SLC46A2: variants seen among roughly 807,000 people sequenced by gnomAD.
The protein encoded by SLC46A2 is thymic stromal co-transporter.
In SLC46A2, 25 loss-of-function variants were observed where a neutral mutation model predicts 33.1. The ratio of observed to expected loss-of-function variants is 0.76; its 90% CI spans 0.55 to 1.06. SLC46A2 has a LOEUF of 1.06. Among genes scored for constraint, SLC46A2 ranks in the 50% least tolerant of loss-of-function variants. SLC46A2 has a pLI of 0.00. For synonymous variants in SLC46A2, 254 were observed against 275.9 expected, an observed-to-expected ratio of 0.92 and a Z score of 0.79; for missense variants, 622 against 621.7, an observed-to-expected ratio of 1.00 and a Z score of 0.00.
intron 3 of SLC46A2, 26 bp from the exon 4 acceptor site, chr9:112,879,845 A>C: frequency 4.4e-6 from 7 of 1,603,040 alleles, no homozygotes; most frequent in Non-Finnish European, 6.0e-6. Flanking sequence ...ATAGAGAGTT[A>C]CAAGAGAACA....
At chr9:112,882,762 A>G (rs1032824190) in intron 3 of SLC46A2, among the ~76,000 whole-genome samples, 1 of 152,146 alleles carries the variant, frequency 6.6e-6, no homozygotes, top group African/African-American at 2.4e-5. Context: ...GAGATTGGAA[A>G]GACAGGAGTG....
chr9:112,882,995 T>C (rs1187621444), intron 3 of SLC46A2, among the ~76,000 whole-genome samples: 1 of 152,084 alleles, frequency 6.6e-6, no homozygotes, highest in Non-Finnish European at 1.5e-5. Flanking sequence ...GTGACAAATA[T>C]CTCCTGAGGA....
intron 1 of SLC46A2, 148 bp from the exon 2 acceptor site, chr9:112,887,561 G>C: frequency 1.5e-6 from 1 of 661,228 alleles, no homozygotes; most frequent in South Asian, 2.2e-5. Context: ...TGGCACACTA[G>C]CGCCCTCCCT....
At chr9:112,884,961 C>T (rs1033937467) in intron 3 of SLC46A2, among the ~76,000 whole-genome samples, 2 of 152,162 alleles carry the variant, frequency 1.3e-5, no homozygotes, top group East Asian at 1.9e-4. Context: ...GTGTGCACTG[C>T]ATGGTAGCTA....
chr9:112,882,499 G>T (rs1355438279), intron 3 of SLC46A2, among the ~76,000 whole-genome samples: 1 of 152,228 alleles, frequency 6.6e-6, no homozygotes, highest in Non-Finnish European at 1.5e-5. Flanking sequence ...TAAGGACCTT[G>T]CTCTGGCCAC....
At chr9:112,887,183 T>G (rs1258142394) in intron 2 of SLC46A2, 147 bp downstream of exon 2, 1 of 687,824 alleles carries the variant, frequency 1.5e-6, no homozygotes, top group African/African-American at 1.8e-5. Context: ...CCACTCTCTG[T>G]GCCCTGGATG....
At position 112,890,176 on chromosome 9, in the gene SLC46A2, C is replaced by T. The variant is rs755312485; in HGVS notation, c.506G>A (p.Arg169His). ...GTCAATGAGGATGAGGCGCACAGAGCGGCGGCCCTCGGAGGAGCCCAGCGA... is the reference window on the plus strand; with the variant it reads ...GTCAATGAGGATGAGGCGCACAGAGTGGCGGCCCTCGGAGGAGCCCAGCGA... ...LGSLGSSEGR[R>H]SVRLILIDLM... The change falls in exon 1 of 4, where the codon CGC (arginine) becomes CAC (histidine). Residue 169 changes from arginine (R) to histidine (H), a missense_variant. Arg to His is a conservative substitution (Grantham distance 29, BLOSUM62 0). Transcript: ENST00000374228. The surrounding 1 kb of genome is among the most constrained non-coding windows in gnomAD (Gnocchi z 6.0). 8 of 1,612,818 alleles carry T rather than the reference C, an allele frequency of 5.0e-6. No individual in the cohort carries two copies. The highest frequency in any genetic ancestry group is 2.7e-5 in the African/African-American group (2 of 74,952).
chr9:112,886,485 A>G lies in SLC46A2; in HGVS notation c.1345T>C (p.Ser449Pro). ...GSCFALSSFL[S>P]FLAIIPISIV... Reference sequence around the variant, plus strand: ...CTAATTGGAATGATGGCCAGGAAGGAGAGAAAGGAGGAGAGAGCAAAGCAG... The same window carrying G: ...CTAATTGGAATGATGGCCAGGAAGGGGAGAAAGGAGGAGAGAGCAAAGCAG... The change falls in exon 3 of 4, where the codon TCC becomes CCC. Residue 449 changes from serine (S) to proline (P), a missense_variant. Ser to Pro is a moderately conservative substitution (Grantham distance 74). Transcript: ENST00000374228. 1 of 1,614,156 alleles carries G rather than the reference A, an allele frequency of 6.2e-7. No homozygotes were observed. The highest frequency in any genetic ancestry group is 1.1e-5 in the South Asian group (1 of 91,064).
At position 112,890,368 on chromosome 9, in the gene SLC46A2, C is replaced by T. The variant is rs1299140630; in HGVS notation, c.314G>A (p.Arg105Gln). 1.2e-6 allele frequency: 2 copies of T among 1,614,124 alleles called. No individual in the cohort carries two copies. Among genetic ancestry groups the T allele is most frequent in the Non-Finnish European group, 8.5e-7 (1 of 1,180,022 alleles). Residue 105 changes from arginine (R) to glutamine (Q), a missense_variant, in exon 1 of 4, where the codon CGA becomes CAA. Transcript: ENST00000374228. The surrounding 1 kb of genome is among the most constrained non-coding windows in gnomAD (Gnocchi z 6.0). ...GLGWLSDRYH[R>Q]KISICMSLLG... is the part of the protein sequence containing the mutation. ...CAGCGACATGCAGATGGAGATCTTT[C>T]GGTGGTAGCGGTCGCTGAGCCATCC...
chr9:112,889,721 C>T lies in SLC46A2; in HGVS notation c.961G>A (p.Gly321Ser). The change falls in exon 1 of 4, where the codon GGC (glycine) becomes AGC (serine). Residue 321 changes from glycine to serine, a missense_variant. Transcript: ENST00000374228. Reference protein sequence around the residue: ...EPLGWNQVQVGYGMAAGYTIF... With the variant: ...EPLGWNQVQVSYGMAAGYTIF... ...GTGTACCCTGCAGCCATACCATAGCCCACCTGCACTTGGTTCCAACCGAGA... is the reference window on the plus strand; with the variant it reads ...GTGTACCCTGCAGCCATACCATAGCTCACCTGCACTTGGTTCCAACCGAGA... 1.2e-6 allele frequency: 2 copies of T among 1,614,106 alleles called. No homozygotes were observed. Among genetic ancestry groups the T allele is most frequent in the Non-Finnish European group, 8.5e-7 (1 of 1,179,998 alleles).
In SLC46A2 at chr9:112,889,775, C is replaced by G. The variant is rs558581867; in HGVS notation, c.907G>C (p.Val303Leu). The part of the protein sequence containing the change: ...YDLAVVGTVD[V>L]IPLFVLREPL... ...TCCCTCAGCACAAAAAGAGGGATCA[C>G]GTCCACTGTGCCCACCACCGCCAGG... Residue 303 changes from valine (V) to leucine (L), a missense_variant, in exon 1 of 4, where the codon GTG (valine) becomes CTG (leucine). Physicochemically the swap from Val to Leu is conservative, Grantham distance 32 (BLOSUM62 1). Coordinates refer to ENST00000374228, the MANE Select transcript of SLC46A2 (RefSeq NM_033051.4). 6 of 1,613,982 alleles carry G rather than the reference C, an allele frequency of 3.7e-6. No individual in the cohort carries two copies. In the Admixed American group the frequency reaches 8.3e-5, roughly 22 times the overall value.
chr9:112,890,835 C>A lies in SLC46A2; in HGVS notation c.-154G>T, dbSNP rs899676801. On this transcript the variant is annotated 5_prime_UTR_variant, in exon 1 of 4. Coordinates refer to ENST00000374228, the MANE Select transcript of SLC46A2 (RefSeq NM_033051.4). This position sits in a 1 kb window ranked among gnomAD's most constrained non-coding sequence, Gnocchi z 6.0. ...GAGTGTGCTCCGTGCGCCGGGAGCG[C>A]GCCGGCCAGTGGCGAGCAGAGCCAG... is the stretch of plus-strand genomic sequence containing the variant. 1.7e-5 allele frequency: 15 copies of A among 881,112 alleles called. No homozygotes were observed. The highest frequency in any genetic ancestry group is 2.3e-5 in the Non-Finnish European group (14 of 612,520). 54.6% of individuals were successfully genotyped at this position (881,112 alleles called of 1,614,324 possible). A position where few individuals can be genotyped will look rare whatever the true frequency, so the allele number is the denominator to read the frequency against.
At chr9:112,889,456 T>C (rs1841692896) in intron 1 of SLC46A2, 97 bp downstream of exon 1, 2 of 1,350,850 alleles carry the variant, frequency 1.5e-6, no homozygotes, top group Non-Finnish European at 2.0e-6. Context: ...CAATCCCTGG[T>C]GCTGAGCTAG....
chr9:112,889,714 C>T lies in SLC46A2; in HGVS notation c.968G>A (p.Gly323Asp), dbSNP rs1841700311. 6.2e-7 allele frequency: 1 copy of T among 1,614,080 alleles called. No individual in the cohort carries two copies. The highest frequency in any genetic ancestry group is 8.5e-7 in the Non-Finnish European group (1 of 1,179,990). Residue 323 changes from glycine (G) to aspartate (D), a missense_variant, in exon 1 of 4, where the codon GGT becomes GAT. By Grantham distance (94) the Gly-to-Asp change is moderately conservative. Coordinates refer to ENST00000374228, the MANE Select transcript of SLC46A2 (RefSeq NM_033051.4). Reference sequence around the variant, plus strand: ...GAAGATGGTGTACCCTGCAGCCATACCATAGCCCACCTGCACTTGGTTCCA... The same window carrying T: ...GAAGATGGTGTACCCTGCAGCCATATCATAGCCCACCTGCACTTGGTTCCA... ...LGWNQVQVGYGMAAGYTIFIT... is the reference protein window; with the variant it reads ...LGWNQVQVGYDMAAGYTIFIT...
rs1400296073 is a variant in SLC46A2, at chr9:112,886,629, C to T, written c.1214-13G>A. The T allele has an allele frequency of 1.2e-6, 2 of 1,613,532 alleles. No individual in the cohort carries two copies. Among genetic ancestry groups the T allele is most frequent in the Non-Finnish European group, 1.7e-6 (2 of 1,179,816 alleles). Reference sequence around the variant, plus strand: ...ACGAACACCTTTCCTGTGGAAGGGACAGAGGTTACTCCGGAGTGCCTTGCT... The same window carrying T: ...ACGAACACCTTTCCTGTGGAAGGGATAGAGGTTACTCCGGAGTGCCTTGCT... On this transcript the variant is annotated splice_polypyrimidine_tract_variant and intron_variant, in intron 2 of 3. Transcript: ENST00000374228.
intron 2 of SLC46A2, among the ~76,000 whole-genome samples, chr9:112,887,120 T>A (rs1003480223): frequency 2.6e-5 from 4 of 152,190 alleles, no homozygotes; most frequent in African/African-American, 9.7e-5. Context: ...AGAATCCTTC[T>A]TTGACTGTGG....
rs553409959 is a variant in SLC46A2, at chr9:112,890,399, C to T, written c.283G>A (p.Gly95Arg). ...TAGCGGTCGCTGAGCCATCCCAGCCCGTAGGCGGACAGCAGGGGGGACAGG... is the reference window on the plus strand; with the variant it reads ...TAGCGGTCGCTGAGCCATCCCAGCCTGTAGGCGGACAGCAGGGGGGACAGG... The part of the protein sequence containing the change: ...VGLSPLLSAY[G>R]LGWLSDRYHR... Residue 95 changes from glycine to arginine, a missense_variant, in exon 1 of 4, where the codon GGG becomes AGG. Coordinates refer to ENST00000374228, the MANE Select transcript of SLC46A2 (RefSeq NM_033051.4). The surrounding 1 kb of genome is among the most constrained non-coding windows in gnomAD (Gnocchi z 6.0). 2.4e-5 allele frequency: 38 copies of T among 1,614,180 alleles called. No homozygotes were observed. In the East Asian group the frequency reaches 6.0e-4, roughly 26 times the overall value.
At chr9:112,884,712 T>C (rs949892845) in intron 3 of SLC46A2, among the ~76,000 whole-genome samples, 1 of 152,258 alleles carries the variant, frequency 6.6e-6, no homozygotes, top group Non-Finnish European at 1.5e-5. Context: ...GTGCCTTACC[T>C]GCATAAGCGC....
rs767681294 is a variant in SLC46A2 at position 112,890,307 on chromosome 9, G to T, written c.375C>A (p.Leu125=). The T allele has an allele frequency of 1.2e-6, 2 of 1,613,772 alleles. No individual in the cohort carries two copies. The change falls in exon 1 of 4, where the codon CTC becomes CTA. Residue 125 remains leucine (L), a synonymous_variant. Coordinates refer to ENST00000374228, the MANE Select transcript of SLC46A2 (RefSeq NM_033051.4). The surrounding 1 kb of genome is among the most constrained non-coding windows in gnomAD (Gnocchi z 6.0). ...CCACTGGCCAGTCCAGCAGCACCTTGAGCAGCAGCCCGAGGCGGGAGAGCA... is the reference window on the plus strand; with the variant it reads ...CCACTGGCCAGTCCAGCAGCACCTTTAGCAGCAGCCCGAGGCGGGAGAGCA... ...GFLLSRLGLL[L]KVLLDWPVEV...
Sources: allele counts gnomAD v4.1 joint callset (sites outside exome capture counted in the v4.1 genomes callset), GRCh38; gene constraint gnomAD v4.1.1; non-coding constraint Gnocchi (gnomAD v3.1); transcripts MANE v1.5; gene names NCBI Gene and HGNC (gene_info 2026-07-23, HGNC 2026-07-21).